Variants in STRA8 observed in about 807,000 individuals in gnomAD.
STRA8 encodes the protein stimulated by retinoic acid gene 8 protein homolog.
STRA8 carries 18 observed loss-of-function variants against 37.1 expected under a neutral mutation model. The observed-to-expected ratio is 0.48, with a 90% CI of 0.34 to 0.72. STRA8 has a LOEUF of 0.72. STRA8 is among the 30% of genes least tolerant of loss of function. The pLI is 0.01. For missense variants in STRA8, 357 were observed against 410.4 expected, an observed-to-expected ratio of 0.87 and a Z score of 1.13; for synonymous variants, 168 against 162.9, an observed-to-expected ratio of 1.03 and a Z score of -0.24.
chr7:135,258,139 C>G (rs1832727313), intron 8 of STRA8, among the ~76,000 whole-genome samples: 1 of 152,210 alleles, frequency 6.6e-6, no homozygotes. Context: ...TCCTCTGTCT[C>G]TCTTGTGGGA....
intron 8 of STRA8, 41 bp downstream of exon 8, chr7:135,255,266 G>C (rs1159329917): frequency 2.0e-6 from 3 of 1,511,244 alleles, no homozygotes; most frequent in South Asian, 2.3e-5. Context: ...TGCCCACCTT[G>C]CTTAGATAGC....
intron 8 of STRA8, 25 bp from the exon 9 acceptor site, chr7:135,258,393 C>G (rs766661018): frequency 6.3e-7 from 1 of 1,579,424 alleles, no homozygotes; most frequent in South Asian, 1.2e-5. Flanking sequence ...TAAAAAGTGA[C>G]CCTCTTCCAC....
chr7:135,242,914 T>C, intron 3 of STRA8, 58 bp downstream of exon 3: 1 of 1,565,054 alleles, frequency 6.4e-7, no homozygotes, highest in Non-Finnish European at 8.8e-7. Flanking sequence ...TGGATCTGTT[T>C]TTCTATTGAA....
intron 1 of STRA8, among the ~76,000 whole-genome samples, 193 bp downstream of exon 1, chr7:135,234,096 TGA>T (rs1832333103): frequency 3.9e-4 from 58 of 149,804 alleles, no homozygotes; most frequent in Admixed American, 6.6e-4. Flanking sequence ...ATGATGATGA[TGA>T]TGATGATTAT....
intron 2 of STRA8, among the ~76,000 whole-genome samples, chr7:135,241,395 A>T (rs1832462054): frequency 6.6e-6 from 1 of 152,010 alleles, no homozygotes; most frequent in Non-Finnish European, 1.5e-5. Flanking sequence ...TCTCCTTTTT[A>T]GGCACCACTA....
chr7:135,246,298 C>T lies in STRA8; in HGVS notation c.594-119C>T. ...CGTGCAGAGTCTGAGAAGTCTCAGC[C>T]CTGGTGAGCCGTGGCGCCGTGGCCG... On this transcript the variant is annotated intron_variant, in intron 5 of 8. Coordinates refer to ENST00000662584, the MANE Select transcript of STRA8 (RefSeq NM_001394401.1). The surrounding 1 kb of genome is among the most constrained non-coding windows in gnomAD (Gnocchi z 5.4). The T allele has an allele frequency of 7.4e-7, 1 of 1,344,492 alleles. No individual in the cohort carries two copies. 83.3% of individuals were successfully genotyped at this position (1,344,492 alleles called of 1,614,324 possible). A position where few individuals can be genotyped will look rare whatever the true frequency, so the allele number is the denominator to read the frequency against.
At chr7:135,255,904 C>T (rs563553808) in intron 8 of STRA8, among the ~76,000 whole-genome samples, 36 of 152,346 alleles carry the variant, frequency 2.4e-4, no homozygotes, top group Admixed American at 7.8e-4. Context: ...CTTCCCAAAA[C>T]GCTGGGCTAT....
intron 7 of STRA8, 124 bp downstream of exon 7, chr7:135,251,993 A>G (rs1488097295): frequency 1.3e-5 from 10 of 765,932 alleles, no homozygotes; most frequent in Non-Finnish European, 1.3e-5. Flanking sequence ...CAGAGAGAGG[A>G]GACAGAGGGA....
At chr7:135,236,092 A>G (rs1012881402) in intron 1 of STRA8, among the ~76,000 whole-genome samples, 1 of 151,506 alleles carries the variant, frequency 6.6e-6, no homozygotes, top group African/African-American at 2.4e-5. Flanking sequence ...ATGGAGCGAG[A>G]CCCTATCTCA....
chr7:135,234,053 T>TA (rs1212269340), intron 1 of STRA8, among the ~76,000 whole-genome samples, 150 bp downstream of exon 1: 1 of 151,932 alleles, frequency 6.6e-6, no homozygotes, highest in Non-Finnish European at 1.5e-5. Flanking sequence ...TCACTGTGGC[T>TA]ACCTACATTT....
chr7:135,250,215 G>T (rs776984869), intron 6 of STRA8, among the ~76,000 whole-genome samples: 35 of 152,310 alleles, frequency 2.3e-4, no homozygotes, highest in Middle Eastern at 3.4e-3. Flanking sequence ...CTCTGGAAAG[G>T]CTGTGGAGCC....
chr7:135,242,849 G>A lies in STRA8; in HGVS notation c.261G>A (p.Lys87=), dbSNP rs117002897. The part of the protein sequence containing the change: ...ELEQTLDNLL[K]LKASFNLEDG... Reference sequence around the variant, plus strand: ...AGCAAACCCTGGATAATTTGCTGAAGCTGAAAGGTAATGGAGCACTACTTG... The same window carrying A: ...AGCAAACCCTGGATAATTTGCTGAAACTGAAAGGTAATGGAGCACTACTTG... Residue 87 remains lysine (K), a synonymous_variant, in exon 3 of 9, where the codon AAG becomes AAA. Transcript: ENST00000662584. 2.0e-5 allele frequency: 32 copies of A among 1,614,236 alleles called. No homozygotes were observed. In the East Asian group the frequency reaches 6.7e-4, roughly 34 times the overall value.
In STRA8 at chr7:135,246,243, G is replaced by A; in HGVS notation, c.594-174G>A. 1.2e-6 allele frequency: 1 copy of A among 854,706 alleles called. No individual in the cohort carries two copies. The highest frequency in any genetic ancestry group is 1.8e-6 in the Non-Finnish European group (1 of 556,604). 52.9% of individuals were successfully genotyped at this position (854,706 alleles called of 1,614,324 possible). On this transcript the variant is annotated intron_variant, in intron 5 of 8. Coordinates refer to ENST00000662584, the MANE Select transcript of STRA8 (RefSeq NM_001394401.1). The surrounding 1 kb of genome is among the most constrained non-coding windows in gnomAD (Gnocchi z 5.4). ...AAGTCTATGTCCTTCATGGCCCCCA[G>A]GAAGGCTGCTGCTCTCCAAGGGCCA...
chr7:135,234,701 T>C (rs1832345199), intron 1 of STRA8, among the ~76,000 whole-genome samples: 1 of 152,220 alleles, frequency 6.6e-6, no homozygotes, highest in Non-Finnish European at 1.5e-5. Flanking sequence ...TATGCTCTGC[T>C]TTATAGAGGA....
upstream of STRA8, chr7:135,231,972 T>G: frequency 6.2e-7 from 1 of 1,614,082 alleles, no homozygotes; most frequent in South Asian, 1.1e-5. Flanking sequence ...CCTTCTGCCT[T>G]GCAGCTATGG....
At chr7:135,252,010 G>GAT (rs1201413357) in intron 7 of STRA8, 141 bp downstream of exon 7, 1 of 732,028 alleles carries the variant, frequency 1.4e-6, no homozygotes, top group Non-Finnish European at 2.3e-6. Flanking sequence ...GGGAGAGAGA[G>GAT]AGAGTGTGTG....
intron 6 of STRA8, among the ~76,000 whole-genome samples, chr7:135,250,953 A>G (rs1232073173): frequency 6.6e-6 from 1 of 152,242 alleles, no homozygotes; most frequent in East Asian, 1.9e-4. Context: ...CTAAATAGCA[A>G]GATTCCAAAT....
Position 135,246,487 on chromosome 7 carries a change from G to GCGCTGCCCATCGTCTC in STRA8, c.668_683dup (p.Ile230HisfsTer73). 1 of 1,585,152 alleles carries GCGCTGCCCATCGTCTC rather than the reference G, an allele frequency of 6.3e-7. No individual in the cohort carries two copies. Among genetic ancestry groups the GCGCTGCCCATCGTCTC allele is most frequent in the Non-Finnish European group, 8.6e-7 (1 of 1,165,084 alleles). ...CGGGATCATTACCCCGCAGGAGGCG[G>GCGCTGCCCATCGTCTC]CGCTGCCCATCGTCTCCGCGGCCAT... On this transcript the variant is annotated frameshift_variant, in exon 6 of 9. Coordinates refer to ENST00000662584, the MANE Select transcript of STRA8 (RefSeq NM_001394401.1). LOFTEE classifies it high-confidence loss of function. The surrounding 1 kb of genome is among the most constrained non-coding windows in gnomAD (Gnocchi z 5.4).
chr7:135,232,256 C>T (rs759300569), upstream of STRA8, among the ~76,000 whole-genome samples: 2 of 151,514 alleles, frequency 1.3e-5, no homozygotes, highest in Non-Finnish European at 2.9e-5. Flanking sequence ...CCCAGCAACA[C>T]GGCAGGTAGG....
Sources: gnomAD v4.1 joint callset for allele counts (sites outside exome capture counted in the v4.1 genomes callset) on GRCh38, gnomAD v4.1.1 for gene constraint, Gnocchi (gnomAD v3.1) non-coding constraint, MANE v1.5 for transcripts, NCBI Gene and HGNC (gene_info 2026-07-23, HGNC 2026-07-21) for gene names.